The following FANK1 variants were observed in gnomAD, a reference collection of about 807,000 sequenced individuals.
FANK1 encodes fibronectin type 3 and ankyrin repeat domains protein 1.
A neutral mutation model predicts 45.3 loss-of-function variants in FANK1; 44 were observed. That is an observed-to-expected ratio of 0.97 (90% confidence interval 0.76 to 1.25). The LOEUF (loss-of-function observed/expected upper bound fraction) is 1.25. Among genes scored for constraint, FANK1 ranks in the 50% most tolerant of loss-of-function variants. The probability of loss-of-function intolerance (pLI) is 0.00; values close to 1 mark genes in which losing one functional copy is unlikely to be tolerated. For synonymous variants in FANK1, 149 were observed against 152.5 expected, an observed-to-expected ratio of 0.98 and a Z score of 0.17; for missense variants, 391 against 424.4, an observed-to-expected ratio of 0.92 and a Z score of 0.69.
chr10:125,996,625 G>GTA lies in FANK1; in HGVS notation c.473+3_473+4dup, dbSNP rs1311950338. 105 of 1,612,766 alleles carry GTA rather than the reference G, an allele frequency of 6.5e-5. No individual in the cohort carries two copies. Among genetic ancestry groups the GTA allele is most frequent in the Non-Finnish European group, 8.9e-5 (105 of 1,179,612 alleles). ...TTGCTGCCCAGAAAGGATACACCAG[G>GTA]TATGGCTCTTCTTTTTTTTAAATCT... On this transcript the variant is annotated splice_donor_variant, in intron 5 of 10. Transcript: ENST00000368693. LOFTEE classifies it high-confidence loss of function.
intron 1 of FANK1, among the ~76,000 whole-genome samples, chr10:125,965,618 C>T (rs1354095931): frequency 6.6e-6 from 1 of 152,202 alleles, no homozygotes; most frequent in Non-Finnish European, 1.5e-5. Flanking sequence ...GAACAGGCTG[C>T]TGTACTTCTT....
At chr10:125,959,306 TGG>T in intron 1 of FANK1, among the ~76,000 whole-genome samples, 1 of 146,642 alleles carries the variant, frequency 6.8e-6, no homozygotes, top group South Asian at 2.2e-4. Context: ...CACAGTTACT[TGG>T]GAGGCTGAGG....
intron 1 of FANK1, among the ~76,000 whole-genome samples, chr10:125,933,232 G>A (rs1217527462): frequency 6.6e-6 from 1 of 151,848 alleles, no homozygotes; most frequent in African/African-American, 2.4e-5. Context: ...TGAATATCTG[G>A]TAGAATTCTG....
At chr10:125,949,070 C>A (rs1028867698) in intron 1 of FANK1, among the ~76,000 whole-genome samples, 8 of 147,036 alleles carry the variant, frequency 5.4e-5, no homozygotes, top group Admixed American at 4.7e-4. Context: ...ATTCAACAAC[C>A]CTTCATGCTA....
At chr10:125,994,143 T>C (rs10901500) in intron 3 of FANK1, among the ~76,000 whole-genome samples, 92,044 of 134,654 alleles carry the variant, frequency 0.68, 29,374 homozygotes, top group East Asian at 0.79. Context: ...CCCCAGGAGG[T>C]GGCGTAGGGT....
At chr10:125,945,298 G>A (rs1204999974) in intron 1 of FANK1, among the ~76,000 whole-genome samples, 1 of 152,314 alleles carries the variant, frequency 6.6e-6, no homozygotes, top group South Asian at 2.1e-4. Context: ...CAGTGTGAGC[G>A]ACGCAGAAGA....
At chr10:125,921,993 G>T (rs1327753575) in intron 1 of FANK1, among the ~76,000 whole-genome samples, 3 of 152,048 alleles carry the variant, frequency 2.0e-5, no homozygotes, top group African/African-American at 7.2e-5. Flanking sequence ...TCTTATGCCT[G>T]ATTTGAGTTT....
At chr10:125,975,508 T>A (rs1396392317) in intron 1 of FANK1, among the ~76,000 whole-genome samples, 3 of 152,338 alleles carry the variant, frequency 2.0e-5, no homozygotes, top group Admixed American at 6.5e-5. Flanking sequence ...CTATTATTTT[T>A]TTGGCTTTTT....
At position 126,005,057 on chromosome 10, in the gene FANK1, A is replaced by T. The variant is rs754539999; in HGVS notation, c.705+8A>T. On this transcript the variant is annotated splice_region_variant and intron_variant, in intron 7 of 10. Transcript: ENST00000368693. ...ATAAAGGATGGCTGTGAGGTACGGG[A>T]CCTGCCTTGTTAACCACGCACATAT... 6.2e-7 allele frequency: 1 copy of T among 1,610,584 alleles called. No individual in the cohort carries two copies. Among genetic ancestry groups the T allele is most frequent in the Non-Finnish European group, 8.5e-7 (1 of 1,177,770 alleles).
In FANK1 at chr10:126,004,939, C is replaced by T. The variant is rs1468274440; in HGVS notation, c.595C>T (p.His199Tyr). The change falls in exon 7 of 11, where the codon CAT (histidine) becomes TAT (tyrosine). Residue 199 changes from histidine (H) to tyrosine (Y), a missense_variant. Physicochemically the swap from His to Tyr is moderately conservative, Grantham distance 83. Coordinates refer to ENST00000368693, the MANE Select transcript of FANK1 (RefSeq NM_145235.5). ...HLDVVKYLRRHGASWQARDLG... is the reference protein window; with the variant it reads ...HLDVVKYLRRYGASWQARDLG... ...AGATGTTGTGAAATATCTCCGAAGA[C>T]ATGGCGCTTCTTGGCAGGCTAGAGA... The T allele has an allele frequency of 3.1e-6, 5 of 1,614,050 alleles. No homozygotes were observed. The highest frequency in any genetic ancestry group is 1.3e-5 in the African/African-American group (1 of 74,924).
chr10:125,970,221 C>A (rs952700457), intron 1 of FANK1, among the ~76,000 whole-genome samples: 1 of 152,030 alleles, frequency 6.6e-6, no homozygotes, highest in Non-Finnish European at 1.5e-5. Flanking sequence ...GGGCCCCCCA[C>A]CCCCCAGAGG....
intron 1 of FANK1, among the ~76,000 whole-genome samples, chr10:125,898,065 T>C (rs985020482): frequency 6.7e-5 from 9 of 135,144 alleles, no homozygotes; most frequent in African/African-American, 2.0e-4. Context: ...CCTGGAGTCC[T>C]AGCTATTTGG....
chr10:125,928,261 CTTTTTTTT>C (rs34889746), intron 1 of FANK1, among the ~76,000 whole-genome samples: 1 of 137,720 alleles, frequency 7.3e-6, no homozygotes. Flanking sequence ...TTATTCGTGC[CTTTTTTTT>C]TTTTTTTTTT....
intron 1 of FANK1, among the ~76,000 whole-genome samples, chr10:125,939,623 A>G (rs1281066890): frequency 6.6e-6 from 1 of 152,172 alleles, no homozygotes; most frequent in African/African-American, 2.4e-5. Context: ...TAATCCCCGT[A>G]TCTCTTTAAA....
intron 1 of FANK1, among the ~76,000 whole-genome samples, chr10:125,971,139 A>C (rs1329961703): frequency 6.6e-6 from 1 of 152,180 alleles, no homozygotes; most frequent in Admixed American, 6.5e-5. Context: ...CAATCTTTTC[A>C]GATTTATCTA....
intron 1 of FANK1, among the ~76,000 whole-genome samples, chr10:125,901,531 C>T (rs1196846355): frequency 1.3e-5 from 2 of 152,222 alleles, no homozygotes; most frequent in African/African-American, 4.8e-5. Flanking sequence ...TCTTCAAACT[C>T]ATCACACATC....
intron 1 of FANK1, among the ~76,000 whole-genome samples, chr10:125,937,578 T>C (rs753822352): frequency 3.3e-5 from 5 of 152,200 alleles, no homozygotes; most frequent in Non-Finnish European, 1.5e-5. Flanking sequence ...GAATAAACTA[T>C]GGTATGGACA....
intron 5 of FANK1, 112 bp downstream of exon 5, chr10:125,996,736 C>G: frequency 1.0e-6 from 1 of 958,854 alleles, no homozygotes; most frequent in South Asian, 1.6e-5. Context: ...GGAACCGTTT[C>G]TTTTCTATCT....
At chr10:125,924,358 A>G (rs1947175302) in intron 1 of FANK1, among the ~76,000 whole-genome samples, 1 of 151,458 alleles carries the variant, frequency 6.6e-6, no homozygotes, top group Non-Finnish European at 1.5e-5. Context: ...GGTTCAAGCA[A>G]TTCTCCTGCC....
Sources: gnomAD v4.1 joint callset for allele counts (sites outside exome capture counted in the v4.1 genomes callset) on GRCh38, gnomAD v4.1.1 for gene constraint, MANE v1.5 for transcripts, NCBI Gene and HGNC (gene_info 2026-07-23, HGNC 2026-07-21) for gene names.